JMJD1C: variants seen among roughly 807,000 people sequenced by gnomAD.
JMJD1C encodes jumonji domain-containing protein 1C.
In JMJD1C, 31 loss-of-function variants were observed where a neutral mutation model predicts 245.3. The ratio of observed to expected loss-of-function variants is 0.13; its 90% CI spans 0.09 to 0.17. The LOEUF (loss-of-function observed/expected upper bound fraction) is 0.17, where lower values mean the gene tolerates loss of function less well. JMJD1C is among the 10% of genes least tolerant of loss of function. The pLI is 1.00. For synonymous variants in JMJD1C, 1,057 were observed against 1,017.4 expected (o/e 1.04, Z -0.74); for missense variants, 2,691 against 3,000.2 (o/e 0.90, Z 2.41).
At chr10:63,467,293 G>A (rs1251970398), upstream of JMJD1C, among the ~76,000 whole-genome samples, 8 of 152,178 alleles carry the variant, frequency 5.3e-5, no homozygotes, top group Non-Finnish European at 2.9e-5. Flanking sequence ...GAGGTCGGGA[G>A]TTCGAGACCA....
intron 1 of JMJD1C, chr10:63,427,847 A>G: frequency 1.0e-6 from 1 of 970,250 alleles, no homozygotes; most frequent in South Asian, 1.3e-5. Flanking sequence ...ACAGCCAAGG[A>G]AGCCAAGGAG....
rs182339333 is a variant in JMJD1C at position 63,206,884 on chromosome 10, T to C, written c.4785A>G (p.Gln1595=). Residue 1595 remains glutamine (Q), a synonymous_variant, in exon 10 of 26, where the codon CAA becomes CAG. Coordinates refer to ENST00000399262, the MANE Select transcript of JMJD1C (RefSeq NM_032776.3). ...NLIASTSSDI[Q]NSVDSKIIVD... is the part of the protein sequence containing the mutation. ...CTATGATCTTACTATCTACACTATTTTGTATATCACTAGATGTAGAGGCTA... is the reference window on the plus strand; with the variant it reads ...CTATGATCTTACTATCTACACTATTCTGTATATCACTAGATGTAGAGGCTA... 7 of 1,609,500 alleles carry C rather than the reference T, an allele frequency of 4.3e-6. No individual in the cohort carries two copies. The highest frequency in any genetic ancestry group is 3.3e-4 in the Middle Eastern group (2 of 6,038).
chr10:63,493,249 C>CTTTTTTTTTTTTTTT lies in JMJD1C; in HGVS notation n.113+28474_113+28488dup, dbSNP rs752941477. ...GTAGATGGGAACAAAACTGTTATTT[C>CTTTTTTTTTTTTTTT]TTTTTTTTTTTTTTTTTTTTTTTTT... On this transcript the variant is annotated intron_variant and non_coding_transcript_variant, in intron 1 of 3. Transcript: ENST00000633035. 1.2e-4 allele frequency among the ~76,000 whole-genome samples: 6 copies of CTTTTTTTTTTTTTTT among 49,140 alleles called. 1 individual carries two copies. Among genetic ancestry groups the CTTTTTTTTTTTTTTT allele is most frequent in the African/African-American group, 3.4e-4 (4 of 11,682 alleles). 32.2% of individuals were successfully genotyped at this position (49,140 alleles called of 152,430 possible).
chr10:63,316,408 T>C (rs532813212), intron 2 of JMJD1C, among the ~76,000 whole-genome samples: 6 of 152,334 alleles, frequency 3.9e-5, no homozygotes, highest in African/African-American at 1.4e-4. Context: ...TGGTTTGTTT[T>C]GTGTGTACTT....
At chr10:63,473,760 G>C (rs1330586515) in intron 1 of JMJD1C, among the ~76,000 whole-genome samples, 1 of 151,564 alleles carries the variant, frequency 6.6e-6, no homozygotes, top group Non-Finnish European at 1.5e-5. Flanking sequence ...TACATACTTG[G>C]GGCCAGGCAC....
At chr10:63,203,061 C>T (rs970662555) in intron 10 of JMJD1C, 6 of 984,714 alleles carry the variant, frequency 6.1e-6, no homozygotes, top group Non-Finnish European at 6.0e-6. Flanking sequence ...TTATGTGACA[C>T]AAAATAGGCA....
intron 2 of JMJD1C, among the ~76,000 whole-genome samples, chr10:63,368,459 T>C (rs1443233291): frequency 6.6e-6 from 1 of 152,194 alleles, no homozygotes; most frequent in African/African-American, 2.4e-5. Context: ...TGTTCTTAAA[T>C]GACTTGGAAC....
At chr10:63,345,834 A>ATT (rs201544517) in intron 2 of JMJD1C, among the ~76,000 whole-genome samples, 1 of 151,634 alleles carries the variant, frequency 6.6e-6, no homozygotes, top group Non-Finnish European at 1.5e-5. Flanking sequence ...AAAACCAGTA[A>ATT]TTTTTTTTTC....
upstream of JMJD1C, chr10:63,466,333 G>A (rs1357445087): frequency 6.5e-6 from 1 of 153,104 alleles, no homozygotes; most frequent in African/African-American, 2.4e-5. Context: ...CCTCACCCGC[G>A]GTTTGATGTT....
chr10:63,463,917 AAACTT>A (rs1952983922), intron 1 of JMJD1C, among the ~76,000 whole-genome samples: 1 of 152,198 alleles, frequency 6.6e-6, no homozygotes, highest in South Asian at 2.1e-4. Flanking sequence ...TAACATATGC[AAACTT>A]AACTCTTTAA....
At chr10:63,498,444 T>C (rs963756150) in intron 1 of JMJD1C, among the ~76,000 whole-genome samples, 2 of 152,172 alleles carry the variant, frequency 1.3e-5, no homozygotes, top group African/African-American at 2.4e-5. Flanking sequence ...CATTTTCCAC[T>C]TCCAAAACAT....
chr10:63,213,281 C>A (rs760615805), intron 8 of JMJD1C, among the ~76,000 whole-genome samples, 192 bp downstream of exon 8: 8 of 151,130 alleles, frequency 5.3e-5, no homozygotes, highest in Non-Finnish European at 1.2e-4. Flanking sequence ...TAAATTAATT[C>A]TTTTTATAAG....
At chr10:63,283,995 A>G (rs955089285) in intron 2 of JMJD1C, among the ~76,000 whole-genome samples, 1 of 151,726 alleles carries the variant, frequency 6.6e-6, no homozygotes, top group Non-Finnish European at 1.5e-5. Context: ...TAGGAAAAAG[A>G]GAATTTTCTG....
intron 2 of JMJD1C, among the ~76,000 whole-genome samples, chr10:63,269,877 A>G (rs901075899): frequency 6.6e-6 from 1 of 152,180 alleles, no homozygotes; most frequent in South Asian, 2.1e-4. Context: ...CTGCTGTCTG[A>G]TGTTGTCCAA....
rs914141080 is a variant in JMJD1C at position 63,390,304 on chromosome 10, C to T, written c.169-9822G>A. 2.0e-5 allele frequency among the ~76,000 whole-genome samples: 3 copies of T among 152,078 alleles called. No homozygotes were observed. In the East Asian group the frequency reaches 5.8e-4, roughly 29 times the overall value. ...GAAGAAATGGATAAATTCCTGGACA[C>T]ATACAACTACCAAGATTGAATCAGG... On this transcript the variant is annotated intron_variant, in intron 1 of 25. Transcript: ENST00000399262.
Position 63,213,843 on chromosome 10 carries a change from G to A in JMJD1C, c.2324C>T (p.Pro775Leu), listed in dbSNP as rs1183452742. ...LAGSSSQTPL[P>L]TINTHPLTSG... ...AGTCAGAGGATGAGTGTTAATGGTAGGTAATGGAGTTTGACTAGATGATCC... is the reference window on the plus strand; with the variant it reads ...AGTCAGAGGATGAGTGTTAATGGTAAGTAATGGAGTTTGACTAGATGATCC... The change falls in exon 8 of 26, where the codon CCT (proline) becomes CTT (leucine). Residue 775 changes from proline (P) to leucine (L), a missense_variant. Pro to Leu is a moderately conservative substitution (Grantham distance 98, BLOSUM62 -3). Transcript: ENST00000399262. The A allele has an allele frequency of 1.9e-6, 3 of 1,613,886 alleles. No individual in the cohort carries two copies. Among genetic ancestry groups the A allele is most frequent in the African/African-American group, 1.3e-5 (1 of 74,924 alleles).
In JMJD1C at chr10:63,500,193, G is replaced by A. The variant is rs368347659; in HGVS notation, n.113+21545C>T. 6.6e-5 allele frequency among the ~76,000 whole-genome samples: 10 copies of A among 152,122 alleles called. No homozygotes were observed. The South Asian group carries it at 8.3e-4, about 13-fold the overall frequency. The stretch of plus-strand genomic sequence containing the variant: ...TCCCAGCACTGTGGGAGGCCGAGGC[G>A]GGAGAACTGCTTGAGCCCAGAAGTT... On this transcript the variant is annotated intron_variant and non_coding_transcript_variant, in intron 1 of 3. Coordinates refer to the JMJD1C transcript ENST00000633035.
At chr10:63,365,844 AAG>A (rs563735514) in intron 2 of JMJD1C, among the ~76,000 whole-genome samples, 4 of 152,356 alleles carry the variant, frequency 2.6e-5, no homozygotes, top group African/African-American at 9.6e-5. Flanking sequence ...ACCTTATTGA[AAG>A]AGGTCTGGCT....
chr10:63,428,089 G>C, intron 1 of JMJD1C: 1 of 458,914 alleles, frequency 2.2e-6, no homozygotes, highest in Non-Finnish European at 3.9e-6. Flanking sequence ...TAAGACAGCT[G>C]ATCAATTACT....
Sources: gnomAD v4.1 joint callset for allele counts (sites outside exome capture counted in the v4.1 genomes callset) on GRCh38, gnomAD v4.1.1 for gene constraint, MANE v1.5 for transcripts, NCBI Gene and HGNC (gene_info 2026-07-23, HGNC 2026-07-21) for gene names.